Variants in POLR1A observed in about 807,000 individuals in gnomAD.
POLR1A encodes RNA polymerase I subunit A.
A neutral mutation model predicts 205.3 loss-of-function variants in POLR1A; 84 were observed. That is an observed-to-expected ratio of 0.41 (90% CI 0.34 to 0.49). POLR1A has a LOEUF of 0.49. Among genes scored for constraint, POLR1A ranks in the 20% least tolerant of loss-of-function variants. The probability of loss-of-function intolerance (pLI) is 0.22; values close to 1 mark genes in which losing one functional copy is unlikely to be tolerated. For missense variants in POLR1A, 1,645 were observed against 2,204.5 expected (o/e 0.75, Z 5.08); for synonymous variants, 799 against 863.7 (o/e 0.93, Z 1.31).
At chr2:86,068,801 G>A (rs1673128318) in intron 13 of POLR1A, among the ~76,000 whole-genome samples, 1 of 152,344 alleles carries the variant, frequency 6.6e-6, no homozygotes, top group Admixed American at 6.5e-5. Flanking sequence ...GGTGCATCTG[G>A]TGGGAAAAGG....
At chr2:86,088,744 C>T (rs767904650) in intron 5 of POLR1A, 41 bp downstream of exon 5, 11 of 1,592,026 alleles carry the variant, frequency 6.9e-6, no homozygotes, top group Admixed American at 1.7e-5. Context: ...TGAGTGACTG[C>T]CCAGAGACGT....
chr2:86,069,503 T>TG (rs1039134860), intron 13 of POLR1A, among the ~76,000 whole-genome samples: 24 of 152,194 alleles, frequency 1.6e-4, no homozygotes, highest in Non-Finnish European at 3.4e-4. Flanking sequence ...CACAAGGGGT[T>TG]GCCCTTGAGG....
rs150630337 is a variant in POLR1A, at chr2:86,046,151, C to T, written c.2734-382G>A. On this transcript the variant is annotated intron_variant, in intron 19 of 33. Coordinates refer to ENST00000263857, the MANE Select transcript of POLR1A (RefSeq NM_015425.6). ...CTAGAGCCAAAAGGGAACTCAGGGC[C>T]GGGTGTGGTGGCTCACATCTACAAT... Among the ~76,000 whole-genome samples the T allele has an allele frequency of 2.4e-3, 360 of 152,190 alleles. 2 individuals carry two copies. Among genetic ancestry groups the T allele is most frequent in the African/African-American group, 8.0e-3 (334 of 41,520 alleles).
At position 86,078,265 on chromosome 2, in the gene POLR1A, G is replaced by C. The variant is rs1368208067; in HGVS notation, c.1106C>G (p.Ala369Gly). Residue 369 changes from alanine (A) to glycine (G), a missense_variant, in exon 10 of 34, where the codon GCT (alanine) becomes GGT (glycine). This residue lies in a region of POLR1A where 78 missense variants were observed against 77.7 expected (regional missense o/e 1.00). Coordinates refer to ENST00000263857, the MANE Select transcript of POLR1A (RefSeq NM_015425.6). ...TTDEEKDSLI[A>G]IDRSFLSTLP... The stretch of plus-strand genomic sequence containing the variant: ...TGTACTCAAAAAGGATCGGTCAATA[G>C]CAATCAAAGAGTCTTTTTCCTGGAA... 9 of 1,574,144 alleles carry C rather than the reference G, an allele frequency of 5.7e-6. No individual in the cohort carries two copies. In the Admixed American group the frequency reaches 1.9e-4, roughly 33 times the overall value.
rs753147679 is a variant in POLR1A, at chr2:86,041,909, T to G, written c.3552A>C (p.Lys1184Asn). 4 of 1,613,954 alleles carry G rather than the reference T, an allele frequency of 2.5e-6. No homozygotes were observed. Among genetic ancestry groups the G allele is most frequent in the South Asian group, 2.2e-5 (2 of 91,078 alleles). Residue 1184 changes from lysine (K) to asparagine (N), a missense_variant, in exon 24 of 34, where the codon AAA becomes AAC. This residue lies in a region of POLR1A where 201 missense variants were observed against 222.3 expected (regional missense o/e 0.90). Transcript: ENST00000263857. ...AATACCTGTCGAGAGAAAGCTCTGA[T>G]TTCTCATAACTCTTCTCTGTTTGAG... ...WAAQTEKSYEKSELSLDRLRT... is the reference protein window; with the variant it reads ...WAAQTEKSYENSELSLDRLRT...
chr2:86,028,819 G>A lies in POLR1A; in HGVS notation c.4780-108C>T. On this transcript the variant is annotated intron_variant, in intron 31 of 33. Coordinates refer to ENST00000263857, the MANE Select transcript of POLR1A (RefSeq NM_015425.6). This position sits in a 1 kb window ranked among gnomAD's most constrained non-coding sequence, Gnocchi z 4.5. The stretch of plus-strand genomic sequence containing the variant: ...CTCTCTCCTTGTGTCTGGCAGCTCG[G>A]TACAGCTGATGACAAAGTGGTCAAG... 1 of 769,282 alleles carries A rather than the reference G, an allele frequency of 1.3e-6. No homozygotes were observed. Among genetic ancestry groups the A allele is most frequent in the Non-Finnish European group, 2.2e-6 (1 of 448,212 alleles). 47.7% of individuals were successfully genotyped at this position (769,282 alleles called of 1,614,324 possible).
At chr2:86,092,395 G>A (rs192310684) in intron 3 of POLR1A, among the ~76,000 whole-genome samples, 90 of 152,344 alleles carry the variant, frequency 5.9e-4, no homozygotes, top group African/African-American at 1.7e-3. Flanking sequence ...GTTCCTTTGC[G>A]TTTGAGCAGT....
In POLR1A at chr2:86,105,778, C is replaced by T. The variant is rs889546406; in HGVS notation, c.-2G>A. ...GGGCATGTTCTTGGAGATCAACATC[C>T]TCCAGGTCCGTTTTGAATTCCGACA... On this transcript the variant is annotated 5_prime_UTR_variant, in exon 1 of 34. Transcript: ENST00000263857. 1.2e-6 allele frequency: 2 copies of T among 1,613,676 alleles called. No individual in the cohort carries two copies. Among genetic ancestry groups the T allele is most frequent in the South Asian group, 1.1e-5 (1 of 91,070 alleles).
intron 13 of POLR1A, among the ~76,000 whole-genome samples, chr2:86,068,584 C>A (rs555708769): frequency 1.6e-4 from 24 of 152,324 alleles, no homozygotes; most frequent in African/African-American, 5.8e-4. Context: ...ACTGCCACCA[C>A]CACAGAGCCA....
chr2:86,080,709 C>T, intron 9 of POLR1A, 107 bp downstream of exon 9: 1 of 1,125,706 alleles, frequency 8.9e-7, no homozygotes, highest in Non-Finnish European at 1.2e-6. Flanking sequence ...GCCAGCTGCA[C>T]AGAACATCCC....
chr2:86,049,245 G>A lies in POLR1A; in HGVS notation c.2393-3C>T. 3 of 1,610,592 alleles carry A rather than the reference G, an allele frequency of 1.9e-6. No individual in the cohort carries two copies. In the South Asian group the frequency reaches 3.3e-5, roughly 18 times the overall value. On this transcript the variant is annotated splice_polypyrimidine_tract_variant and splice_region_variant and intron_variant, in intron 16 of 33. Transcript: ENST00000263857. Reference sequence around the variant, plus strand: ...CTTCACCAAAATGTCTTCCACGCCTGTGAAGTGAAACAGACAAGCTTGTAG... The same window carrying A: ...CTTCACCAAAATGTCTTCCACGCCTATGAAGTGAAACAGACAAGCTTGTAG...
At chr2:86,092,825 A>T (rs961339674) in intron 3 of POLR1A, among the ~76,000 whole-genome samples, 13 of 151,656 alleles carry the variant, frequency 8.6e-5, no homozygotes, top group African/African-American at 1.7e-4. Flanking sequence ...ACTCTCTCTC[A>T]AAAAAAAAGA....
intron 21 of POLR1A, among the ~76,000 whole-genome samples, chr2:86,044,875 C>T (rs1032203438): frequency 3.3e-5 from 5 of 152,204 alleles, no homozygotes; most frequent in Non-Finnish European, 7.3e-5. Flanking sequence ...TAGGTTTCCC[C>T]TCCTGCCACC....
chr2:86,037,767 A>G (rs1327433048), intron 27 of POLR1A, among the ~76,000 whole-genome samples: 1 of 152,260 alleles, frequency 6.6e-6, no homozygotes, highest in East Asian at 1.9e-4. Flanking sequence ...TCAATTATAT[A>G]AAAGCAAAGG....
intron 28 of POLR1A, 148 bp downstream of exon 28, chr2:86,033,513 C>T (rs995626875): frequency 8.9e-6 from 8 of 896,596 alleles, no homozygotes; most frequent in African/African-American, 8.5e-5. Context: ...TGCTTCTGGG[C>T]TCTCAGAACA....
rs1672649171 is a variant in POLR1A, at chr2:86,043,195, C to T, written c.3136G>A (p.Val1046Met). 1 of 1,607,360 alleles carries T rather than the reference C, an allele frequency of 6.2e-7. No individual in the cohort carries two copies. Among genetic ancestry groups the T allele is most frequent in the Non-Finnish European group, 8.5e-7 (1 of 1,175,124 alleles). ...QFPFLASNYEVIMKSQHLHEV... is the reference protein window; with the variant it reads ...QFPFLASNYEMIMKSQHLHEV... ...TGGAGATGCTGTGATTTCATTATCA[C>T]CTAAACAAACAAACAAAAAAACAAA... The change falls in exon 23 of 34, where the codon GTG becomes ATG. Residue 1046 changes from valine to methionine, a missense_variant and splice_region_variant. By Grantham distance (21) the Val-to-Met change is conservative (BLOSUM62 1). Coordinates refer to ENST00000263857, the MANE Select transcript of POLR1A (RefSeq NM_015425.6).
chr2:86,086,572 C>A (rs545559973), intron 6 of POLR1A, among the ~76,000 whole-genome samples: 1 of 152,210 alleles, frequency 6.6e-6, no homozygotes, highest in African/African-American at 2.4e-5. Flanking sequence ...AAACATGGTC[C>A]TTGGCATAAT....
At chr2:86,069,925 C>T in intron 13 of POLR1A, 93 bp downstream of exon 13, 2 of 1,393,350 alleles carry the variant, frequency 1.4e-6, no homozygotes, top group Non-Finnish European at 1.9e-6. Context: ...TGTCCTGGAG[C>T]TGCCCAATGA....
chr2:86,027,652 T>A, intron 33 of POLR1A, 129 bp from the exon 34 acceptor site: 1 of 879,168 alleles, frequency 1.1e-6, no homozygotes, highest in Non-Finnish European at 1.8e-6. Context: ...GCTGATGGGA[T>A]CACGAGGCAG....
Sources: gnomAD v4.1 joint callset for allele counts (sites outside exome capture counted in the v4.1 genomes callset) on GRCh38, gnomAD v4.1.1 for gene constraint, gnomAD v4.1.1 regional missense constraint, Gnocchi (gnomAD v3.1) non-coding constraint, MANE v1.5 for transcripts, NCBI Gene and HGNC (gene_info 2026-07-23, HGNC 2026-07-21) for gene names.